Variants in CSMD1 observed in about 807,000 individuals in gnomAD.
CSMD1 encodes the protein CUB and Sushi multiple domains 1.
CSMD1 carries 213 observed loss-of-function variants against 417.5 expected under a neutral mutation model. That is an observed-to-expected ratio of 0.51 (90% CI 0.46 to 0.57). CSMD1 has a LOEUF of 0.57. Ranked by LOEUF, CSMD1 falls within the 20% of genes least tolerant of loss-of-function variation. The probability of loss-of-function intolerance (pLI) is 0.00; values close to 1 mark genes in which losing one functional copy is unlikely to be tolerated. For synonymous variants in CSMD1, 2,862 were observed against 1,736.8 expected, an observed-to-expected ratio of 1.65 and a Z score of -16.11; for missense variants, 6,923 against 4,529.7, an observed-to-expected ratio of 1.53 and a Z score of -15.17.
chr8:4,289,945 T>C (rs1797269990), intron 3 of CSMD1, among the ~76,000 whole-genome samples: 1 of 152,204 alleles, frequency 6.6e-6, no homozygotes, highest in South Asian at 2.1e-4. Context: ...ATTATTGACC[T>C]CTTCTTGAGA....
intron 26 of CSMD1, among the ~76,000 whole-genome samples, chr8:3,252,319 T>A (rs192700695): frequency 6.6e-6 from 1 of 152,358 alleles, no homozygotes; most frequent in African/African-American, 2.4e-5. Flanking sequence ...ATTGGGATTA[T>A]CACGTGGTTT....
intron 2 of CSMD1, among the ~76,000 whole-genome samples, chr8:4,422,461 G>C (rs965405941): frequency 2.6e-5 from 4 of 151,990 alleles, no homozygotes; most frequent in Non-Finnish European, 4.4e-5. Context: ...TAAGCATACG[G>C]TAAAAATAAG....
intron 4 of CSMD1, among the ~76,000 whole-genome samples, chr8:4,007,315 C>T (rs766129709): frequency 6.6e-6 from 1 of 152,176 alleles, no homozygotes; most frequent in African/African-American, 2.4e-5. Flanking sequence ...TCTTCTGTTC[C>T]TCATCCTCCA....
chr8:3,331,151 T>C (rs1806867356), intron 23 of CSMD1, among the ~76,000 whole-genome samples: 1 of 149,454 alleles, frequency 6.7e-6, no homozygotes, highest in Non-Finnish European at 1.5e-5. Flanking sequence ...GGCAGGAGAA[T>C]GGTGTGAACC....
At chr8:3,002,908 C>G (rs1397336270) in intron 52 of CSMD1, among the ~76,000 whole-genome samples, 1 of 152,182 alleles carries the variant, frequency 6.6e-6, no homozygotes, top group Non-Finnish European at 1.5e-5. Flanking sequence ...GGATGTCCTT[C>G]AAAAACATTT....
intron 2 of CSMD1, among the ~76,000 whole-genome samples, chr8:4,504,395 G>A (rs369866369): frequency 5.9e-5 from 9 of 152,242 alleles, no homozygotes; most frequent in East Asian, 1.9e-4. Flanking sequence ...CTGGAGATCC[G>A]ATGAACAACA....
chr8:3,766,575 T>C lies in CSMD1; in HGVS notation c.819-12533A>G, dbSNP rs372726222. Among the ~76,000 whole-genome samples the C allele has an allele frequency of 1.5e-4, 23 of 152,210 alleles. No homozygotes were observed. In the East Asian group the frequency reaches 4.3e-3, roughly 28 times the overall value. On this transcript the variant is annotated intron_variant, in intron 5 of 69. Transcript: ENST00000635120. The stretch of plus-strand genomic sequence containing the variant: ...TGGCAATGGATATCCATATCATATT[T>C]TGACTATCAAAAAAGGCAGTGTCGC...
chr8:4,647,708 T>G (rs1166133322), intron 1 of CSMD1, among the ~76,000 whole-genome samples: 1 of 152,178 alleles, frequency 6.6e-6, no homozygotes, highest in Non-Finnish European at 1.5e-5. Context: ...GGATGAAGCT[T>G]CCAGCTTCAT....
At chr8:3,032,985 G>A (rs1242064864) in intron 50 of CSMD1, among the ~76,000 whole-genome samples, 1 of 151,946 alleles carries the variant, frequency 6.6e-6, no homozygotes, top group African/African-American at 2.4e-5. Flanking sequence ...TTTTACTCAA[G>A]TCCAAGAGAA....
intron 3 of CSMD1, among the ~76,000 whole-genome samples, chr8:4,393,427 A>C (rs1585006078): frequency 6.6e-6 from 1 of 152,242 alleles, no homozygotes. Context: ...GAAAATACAT[A>C]GAACCCAAAA....
chr8:4,012,877 A>T (rs868657351), intron 4 of CSMD1, among the ~76,000 whole-genome samples: 2 of 152,054 alleles, frequency 1.3e-5, no homozygotes, highest in Admixed American at 6.6e-5. Context: ...TATGTCTCTC[A>T]TGTGTCACAA....
At chr8:4,181,082 C>G (rs1385277011) in intron 3 of CSMD1, among the ~76,000 whole-genome samples, 2 of 152,000 alleles carry the variant, frequency 1.3e-5, no homozygotes, top group South Asian at 2.1e-4. Flanking sequence ...GACAACAGAC[C>G]TATTGAACAT....
chr8:4,301,339 T>C (rs1436141206), intron 3 of CSMD1, among the ~76,000 whole-genome samples: 5 of 152,226 alleles, frequency 3.3e-5, no homozygotes, highest in African/African-American at 7.2e-5. Flanking sequence ...TCAACTGTTA[T>C]GCTTTTGCTT....
intron 2 of CSMD1, among the ~76,000 whole-genome samples, chr8:4,488,031 A>G (rs1422145567): frequency 6.6e-6 from 1 of 152,174 alleles, no homozygotes; most frequent in Non-Finnish European, 1.5e-5. Context: ...GGAGGTGAGT[A>G]GGTCATGAGG....
intron 3 of CSMD1, among the ~76,000 whole-genome samples, chr8:4,360,543 G>C (rs905318935): frequency 6.6e-6 from 1 of 152,124 alleles, no homozygotes; most frequent in Non-Finnish European, 1.5e-5. Context: ...AGGCTGGAGG[G>C]CAGTGGCGCG....
chr8:4,101,391 C>T (rs1801298087), intron 3 of CSMD1, among the ~76,000 whole-genome samples: 1 of 152,122 alleles, frequency 6.6e-6, no homozygotes, highest in South Asian at 2.1e-4. Context: ...ACAACGATCC[C>T]ACTCAGGTTG....
At chr8:3,171,345 G>A (rs900754244) in intron 37 of CSMD1, among the ~76,000 whole-genome samples, 1 of 152,184 alleles carries the variant, frequency 6.6e-6, no homozygotes, top group African/African-American at 2.4e-5. Context: ...AGCCCAGCCT[G>A]ATTTCCACTT....
chr8:3,745,206 G>C (rs1003088949), intron 6 of CSMD1, among the ~76,000 whole-genome samples: 3 of 152,016 alleles, frequency 2.0e-5, no homozygotes, highest in African/African-American at 4.8e-5. Flanking sequence ...TATATTTTTT[G>C]GGGTAGTAAA....
chr8:4,337,123 T>G (rs1364705851), intron 3 of CSMD1, among the ~76,000 whole-genome samples: 1 of 152,110 alleles, frequency 6.6e-6, no homozygotes, highest in Non-Finnish European at 1.5e-5. Flanking sequence ...ACCGAAGCAT[T>G]TAAGTGGGAT....
Sources: allele counts gnomAD v4.1 joint callset (sites outside exome capture counted in the v4.1 genomes callset), GRCh38; gene constraint gnomAD v4.1.1; transcripts MANE v1.5; gene names NCBI Gene and HGNC (gene_info 2026-07-23, HGNC 2026-07-21).